Variants in CALN1 observed in about 807,000 individuals in gnomAD.
CALN1 encodes the protein calcium-binding protein 8.
A neutral mutation model predicts 30.6 loss-of-function variants in CALN1; 17 were observed. The observed-to-expected ratio is 0.56, with a 90% CI of 0.38 to 0.83. The LOEUF (loss-of-function observed/expected upper bound fraction) is 0.83, where lower values mean the gene tolerates loss of function less well. Ranked by LOEUF, CALN1 falls within the 40% of genes least tolerant of loss-of-function variation. The pLI, the probability that CALN1 is intolerant of heterozygous loss-of-function variation, is 0.00. For synonymous variants in CALN1, 156 were observed against 131.4 expected, an observed-to-expected ratio of 1.19 and a Z score of -1.28; for missense variants, 291 against 354.9, an observed-to-expected ratio of 0.82 and a Z score of 1.45.
intron 2 of CALN1, among the ~76,000 whole-genome samples, chr7:72,400,645 G>GT (rs1164678701): frequency 2.0e-5 from 3 of 152,180 alleles, no homozygotes; most frequent in Non-Finnish European, 2.9e-5. Flanking sequence ...CAAGGCAGGT[G>GT]TATCACTTGA....
At chr7:72,109,957 A>T (rs1224204820) in intron 3 of CALN1, among the ~76,000 whole-genome samples, 1 of 152,236 alleles carries the variant, frequency 6.6e-6, no homozygotes, top group Non-Finnish European at 1.5e-5. Flanking sequence ...ATGCAACAGT[A>T]GGAAGTGTCA....
At chr7:71,870,257 C>T (rs1397627459) in intron 5 of CALN1, among the ~76,000 whole-genome samples, 1 of 152,022 alleles carries the variant, frequency 6.6e-6, no homozygotes, top group Non-Finnish European at 1.5e-5. Flanking sequence ...GTGGCATGTG[C>T]CTGTAATCTC....
intron 3 of CALN1, among the ~76,000 whole-genome samples, chr7:72,184,304 T>C (rs1431970343): frequency 1.3e-5 from 2 of 152,204 alleles, no homozygotes; most frequent in Non-Finnish European, 2.9e-5. Flanking sequence ...ACTACCTCTG[T>C]GGCCTTGAGC....
intron 3 of CALN1, among the ~76,000 whole-genome samples, chr7:72,220,557 C>T (rs1793210223): frequency 6.6e-6 from 1 of 152,050 alleles, no homozygotes; most frequent in Non-Finnish European, 1.5e-5. Context: ...GGTATATACC[C>T]AGTAATGGGA....
intron 3 of CALN1, among the ~76,000 whole-genome samples, chr7:72,217,242 G>C (rs960178801): frequency 1.3e-5 from 2 of 152,032 alleles, no homozygotes; most frequent in Admixed American, 6.6e-5. Flanking sequence ...GGTTCCTGGA[G>C]ACCAAGCACA....
intron 5 of CALN1, among the ~76,000 whole-genome samples, chr7:71,962,257 G>A (rs918062989): frequency 1.3e-5 from 2 of 151,286 alleles, no homozygotes; most frequent in African/African-American, 2.4e-5. Flanking sequence ...TAAAAAATCA[G>A]TCATGCCTGG....
chr7:71,905,340 TG>T (rs1794072332), intron 5 of CALN1, among the ~76,000 whole-genome samples: 1 of 152,082 alleles, frequency 6.6e-6, no homozygotes, highest in Non-Finnish European at 1.5e-5. Flanking sequence ...GAGACTTCAG[TG>T]TACCCATCAC....
chr7:72,124,103 A>G (rs1808575557), intron 3 of CALN1, among the ~76,000 whole-genome samples: 3 of 152,210 alleles, frequency 2.0e-5, no homozygotes, highest in Admixed American at 2.0e-4. Context: ...GCACACACAC[A>G]CCAATCATTC....
At chr7:72,388,663 C>T (rs1199407823) in intron 2 of CALN1, among the ~76,000 whole-genome samples, 4 of 152,174 alleles carry the variant, frequency 2.6e-5, no homozygotes, top group Non-Finnish European at 4.4e-5. Flanking sequence ...TTGTCTCCCC[C>T]ATCTGTGCCC....
chr7:71,790,363 G>C (rs1251424941), intron 6 of CALN1, among the ~76,000 whole-genome samples: 1 of 83,956 alleles, frequency 1.2e-5, no homozygotes, highest in Non-Finnish European at 2.4e-5. Context: ...AAGAAAGAAA[G>C]AAAGAAAAGA....
intron 3 of CALN1, among the ~76,000 whole-genome samples, chr7:72,220,173 A>T (rs1280084191): frequency 7.0e-6 from 1 of 142,102 alleles, no homozygotes; most frequent in Non-Finnish European, 1.5e-5. Context: ...GTATATCTCC[A>T]AATGCTATCC....
At chr7:71,869,842 C>T (rs111925765) in intron 5 of CALN1, among the ~76,000 whole-genome samples, 7,273 of 152,134 alleles carry the variant, frequency 0.048, 535 homozygotes, top group African/African-American at 0.16. Context: ...AGTGAAACTG[C>T]GAGTTGCCGC....
intron 1 of CALN1, among the ~76,000 whole-genome samples, chr7:72,421,791 T>C (rs1807621530): frequency 6.6e-6 from 1 of 152,024 alleles, no homozygotes; most frequent in South Asian, 2.1e-4. Flanking sequence ...GGTTTCACCA[T>C]GTTGGCCAGG....
intron 2 of CALN1, among the ~76,000 whole-genome samples, chr7:72,399,191 G>A (rs982013675): frequency 2.0e-5 from 3 of 151,936 alleles, no homozygotes; most frequent in Non-Finnish European, 4.4e-5. Context: ...GGAGGACAAT[G>A]GGCTGCAAGG....
chr7:72,410,755 C>T (rs1314858002), intron 1 of CALN1, among the ~76,000 whole-genome samples: 1 of 152,120 alleles, frequency 6.6e-6, no homozygotes, highest in Non-Finnish European at 1.5e-5. Flanking sequence ...TATATATTTC[C>T]TGAACATAAA....
chr7:71,805,617 T>A (rs546537100), intron 6 of CALN1, among the ~76,000 whole-genome samples: 474 of 152,152 alleles, frequency 3.1e-3, no homozygotes, highest in Non-Finnish European at 4.3e-3. Flanking sequence ...GAAACAAAAA[T>A]AAACCAAATT....
intron 2 of CALN1, among the ~76,000 whole-genome samples, chr7:72,382,300 G>A (rs1021897867): frequency 6.6e-6 from 1 of 152,152 alleles, no homozygotes; most frequent in Non-Finnish European, 1.5e-5. Flanking sequence ...TGAACGATGA[G>A]AAAGGGAGAA....
intron 3 of CALN1, among the ~76,000 whole-genome samples, chr7:72,270,361 C>T (rs747972777): frequency 9.9e-5 from 15 of 152,114 alleles, no homozygotes; most frequent in Admixed American, 9.8e-4. Flanking sequence ...GAAGGATATA[C>T]AGATATTCAC....
At chr7:71,805,994 C>G (rs1054337465) in intron 6 of CALN1, among the ~76,000 whole-genome samples, 1 of 152,182 alleles carries the variant, frequency 6.6e-6, no homozygotes, top group Non-Finnish European at 1.5e-5. Context: ...GAGCAGAAAA[C>G]CAAACACTGC....
Sources: allele counts gnomAD v4.1 joint callset (sites outside exome capture counted in the v4.1 genomes callset), GRCh38; gene constraint gnomAD v4.1.1; transcripts MANE v1.5; gene names NCBI Gene and HGNC (gene_info 2026-07-23, HGNC 2026-07-21).